Variants in GALNTL6 observed in about 807,000 individuals in gnomAD.
GALNTL6 encodes polypeptide N-acetylgalactosaminyltransferase-like 6.
Under a neutral mutation model 73.7 loss-of-function variants are expected in GALNTL6, and 46 were observed. The ratio of observed to expected loss-of-function variants is 0.62; its 90% CI spans 0.49 to 0.80. The LOEUF is 0.80. GALNTL6 is among the 30% of genes least tolerant of loss of function. The pLI is 0.00. For missense variants in GALNTL6, 604 were observed against 755.0 expected, an observed-to-expected ratio of 0.80 and a Z score of 2.34; for synonymous variants, 259 against 263.7, an observed-to-expected ratio of 0.98 and a Z score of 0.17.
intron 5 of GALNTL6, among the ~76,000 whole-genome samples, chr4:172,752,142 T>A (rs79461229): frequency 0.056 from 8,434 of 151,074 alleles, 278 homozygotes; most frequent in South Asian, 0.14. Context: ...AAATAATAAA[T>A]CAATTTTTGG....
At chr4:172,041,513 A>C (rs1015836027) in intron 2 of GALNTL6, among the ~76,000 whole-genome samples, 1 of 152,118 alleles carries the variant, frequency 6.6e-6, no homozygotes, top group Admixed American at 6.6e-5. Flanking sequence ...TGCTAGAGGA[A>C]TTCAACAGTA....
At chr4:172,431,191 CA>C (rs1241138543) in intron 5 of GALNTL6, among the ~76,000 whole-genome samples, 1 of 152,068 alleles carries the variant, frequency 6.6e-6, no homozygotes, top group Non-Finnish European at 1.5e-5. Flanking sequence ...ATTCCCCAAA[CA>C]ATAAGTAGAT....
chr4:171,895,031 A>G (rs946250763), intron 2 of GALNTL6, among the ~76,000 whole-genome samples: 2 of 152,208 alleles, frequency 1.3e-5, no homozygotes, highest in East Asian at 1.9e-4. Context: ...TAAAAGTCAG[A>G]CAGAACACTT....
intron 2 of GALNTL6, among the ~76,000 whole-genome samples, chr4:172,151,235 A>G (rs550342775): frequency 6.6e-6 from 1 of 152,344 alleles, no homozygotes; most frequent in Non-Finnish European, 1.5e-5. Context: ...AAAAGAAAAT[A>G]TATATTCTAA....
At chr4:172,052,307 G>T in intron 2 of GALNTL6, 1 of 600,034 alleles carries the variant, frequency 1.7e-6, no homozygotes. Flanking sequence ...CACTTCCCAG[G>T]GAAGAGCTCG....
intron 11 of GALNTL6, among the ~76,000 whole-genome samples, chr4:173,011,938 C>G (rs950069024): frequency 6.6e-6 from 1 of 152,116 alleles, no homozygotes; most frequent in Non-Finnish European, 1.5e-5. Flanking sequence ...GGGTCTTGCT[C>G]TGTCACCCAG....
chr4:172,373,075 A>G (rs993976629), intron 5 of GALNTL6, among the ~76,000 whole-genome samples: 2 of 152,210 alleles, frequency 1.3e-5, no homozygotes, highest in Non-Finnish European at 2.9e-5. Context: ...AGCCAAGAGC[A>G]AATCATCCAC....
chr4:172,653,500 C>T (rs955731854), intron 5 of GALNTL6, among the ~76,000 whole-genome samples: 2 of 152,140 alleles, frequency 1.3e-5, no homozygotes, highest in African/African-American at 2.4e-5. Flanking sequence ...GGATTACAGG[C>T]GTGAGCCACT....
chr4:172,418,571 A>C (rs531204329), intron 5 of GALNTL6, among the ~76,000 whole-genome samples: 1 of 152,328 alleles, frequency 6.6e-6, no homozygotes, highest in African/African-American at 2.4e-5. Context: ...AATCCAGCCT[A>C]GATCATCCAA....
intron 10 of GALNTL6, among the ~76,000 whole-genome samples, chr4:172,977,038 G>T (rs752714651): frequency 6.6e-6 from 1 of 152,220 alleles, no homozygotes; most frequent in Non-Finnish European, 1.5e-5. Context: ...TTTTGCATGA[G>T]AAATTACTGT....
At chr4:172,985,608 C>G (rs1000646101) in intron 10 of GALNTL6, among the ~76,000 whole-genome samples, 4 of 151,944 alleles carry the variant, frequency 2.6e-5, no homozygotes, top group Non-Finnish European at 5.9e-5. Flanking sequence ...AATTCGAAGA[C>G]TAGGTTTTTT....
intron 5 of GALNTL6, among the ~76,000 whole-genome samples, chr4:172,641,937 CAAAAG>C (rs996095881): frequency 2.6e-5 from 4 of 151,804 alleles, no homozygotes; most frequent in African/African-American, 9.7e-5. Flanking sequence ...TTAACTTTTG[CAAAAG>C]AAGATATACA....
chr4:171,822,983 A>G (rs1470520651), intron 2 of GALNTL6, among the ~76,000 whole-genome samples: 2 of 152,186 alleles, frequency 1.3e-5, no homozygotes, highest in Non-Finnish European at 2.9e-5. Context: ...GTTCTTCTAT[A>G]TAACTGAATT....
At chr4:171,967,447 GT>G (rs759348628) in intron 2 of GALNTL6, among the ~76,000 whole-genome samples, 5 of 14,330 alleles carry the variant, frequency 3.5e-4, no homozygotes, top group African/African-American at 4.9e-4. Context: ...CCCCCTATGG[GT>G]TTTTTTTTTT....
chr4:172,792,577 C>T (rs1249608297), intron 5 of GALNTL6, among the ~76,000 whole-genome samples: 3 of 151,268 alleles, frequency 2.0e-5, no homozygotes, highest in East Asian at 1.9e-4. Context: ...ATATTATAGT[C>T]ACTAAAGGAA....
intron 2 of GALNTL6, among the ~76,000 whole-genome samples, chr4:171,891,274 A>AGTGTAACCTC (rs1736753097): frequency 6.6e-6 from 1 of 152,184 alleles, no homozygotes; most frequent in Non-Finnish European, 1.5e-5. Context: ...CACTGGAGGC[A>AGTGTAACCTC]CATATCTAGG....
intron 2 of GALNTL6, among the ~76,000 whole-genome samples, chr4:172,102,156 T>C (rs1167807493): frequency 6.6e-6 from 1 of 152,216 alleles, no homozygotes; most frequent in Non-Finnish European, 1.5e-5. Flanking sequence ...AATTTCTACA[T>C]GGTCTTGGGG....
At chr4:172,468,285 A>G (rs1732915340) in intron 5 of GALNTL6, among the ~76,000 whole-genome samples, 1 of 152,120 alleles carries the variant, frequency 6.6e-6, no homozygotes, top group Non-Finnish European at 1.5e-5. Context: ...TATCTATGAA[A>G]TCCCCATCCC....
intron 5 of GALNTL6, among the ~76,000 whole-genome samples, chr4:172,630,918 T>A (rs1478331382): frequency 6.6e-6 from 1 of 151,078 alleles, no homozygotes; most frequent in African/African-American, 2.4e-5. Flanking sequence ...AAAAGAAAAT[T>A]GGCCAACAGA....
Sources: gnomAD v4.1 joint callset for allele counts (sites outside exome capture counted in the v4.1 genomes callset) on GRCh38, gnomAD v4.1.1 for gene constraint, MANE v1.5 for transcripts, NCBI Gene and HGNC (gene_info 2026-07-23, HGNC 2026-07-21) for gene names.